Variants in ROR1 observed in about 807,000 individuals in gnomAD.
The protein encoded by ROR1 is inactive tyrosine-protein kinase transmembrane receptor ROR1.
Under a neutral mutation model 78.8 loss-of-function variants are expected in ROR1, and 19 were observed. That is an observed-to-expected ratio of 0.24 (90% CI 0.17 to 0.35). The LOEUF is 0.35. Ranked by LOEUF, ROR1 falls within the 10% of genes least tolerant of loss-of-function variation. The pLI, the probability that ROR1 is intolerant of heterozygous loss-of-function variation, is 1.00. For missense variants in ROR1, 917 were observed against 1,177.8 expected (o/e 0.78, Z 3.24); for synonymous variants, 386 against 433.6 (o/e 0.89, Z 1.36).
chr1:64,093,406 G>A (rs1315607347), intron 4 of ROR1, among the ~76,000 whole-genome samples: 2 of 152,044 alleles, frequency 1.3e-5, no homozygotes, highest in Admixed American at 1.3e-4. Flanking sequence ...ATCTCATCTG[G>A]TATTTTTCAA....
chr1:63,959,650 A>C (rs575057266), intron 1 of ROR1, among the ~76,000 whole-genome samples: 5 of 152,322 alleles, frequency 3.3e-5, no homozygotes, highest in African/African-American at 1.2e-4. Context: ...TTCAAAACTT[A>C]TCTGTTGTGT....
chr1:63,914,331 C>A (rs1557558727), intron 1 of ROR1, among the ~76,000 whole-genome samples: 5 of 152,176 alleles, frequency 3.3e-5, no homozygotes, highest in Admixed American at 3.3e-4. Flanking sequence ...GTGGCCCAGT[C>A]TAGGAAAGTG....
chr1:63,931,238 C>T (rs1044814121), intron 1 of ROR1, among the ~76,000 whole-genome samples: 1 of 152,164 alleles, frequency 6.6e-6, no homozygotes, highest in African/African-American at 2.4e-5. Flanking sequence ...GCCGAGATGG[C>T]GCTACCATAC....
intron 1 of ROR1, among the ~76,000 whole-genome samples, chr1:63,998,855 G>A (rs897484049): frequency 1.2e-4 from 18 of 152,294 alleles, no homozygotes; most frequent in Non-Finnish European, 2.9e-5. Flanking sequence ...GGACCCAGTG[G>A]GAGATAATTG....
At chr1:64,108,896 G>A (rs2100669955) in intron 4 of ROR1, among the ~76,000 whole-genome samples, 1 of 152,270 alleles carries the variant, frequency 6.6e-6, no homozygotes, top group South Asian at 2.1e-4. Flanking sequence ...TAAAAATAAT[G>A]TTTAGGACCC....
intron 1 of ROR1, among the ~76,000 whole-genome samples, chr1:63,916,073 A>G (rs760894007): frequency 3.3e-5 from 5 of 152,170 alleles, no homozygotes; most frequent in Non-Finnish European, 7.4e-5. Flanking sequence ...CATGCTATTT[A>G]TGCTACTCCC....
At chr1:63,961,527 A>T (rs1194876634) in intron 1 of ROR1, among the ~76,000 whole-genome samples, 1 of 152,232 alleles carries the variant, frequency 6.6e-6, no homozygotes, top group Non-Finnish European at 1.5e-5. Context: ...AAATCTTGTC[A>T]TTTGTGGCAA....
At chr1:63,778,661 C>T (rs1470345192) in intron 1 of ROR1, among the ~76,000 whole-genome samples, 1 of 152,206 alleles carries the variant, frequency 6.6e-6, no homozygotes. Context: ...TTATCTAATC[C>T]TTACAATGGG....
At chr1:63,865,403 A>G (rs769310111) in intron 1 of ROR1, among the ~76,000 whole-genome samples, 15 of 152,208 alleles carry the variant, frequency 9.9e-5, no homozygotes, top group East Asian at 1.9e-4. Flanking sequence ...TTTACCATCT[A>G]TCTCATCCTT....
intron 1 of ROR1, among the ~76,000 whole-genome samples, chr1:63,934,595 G>A (rs534336518): frequency 1.3e-5 from 2 of 152,228 alleles, no homozygotes; most frequent in East Asian, 1.9e-4. Flanking sequence ...TTCTTACCCC[G>A]TGACTTGGAC....
At chr1:64,135,699 A>C (rs1251114860) in intron 4 of ROR1, among the ~76,000 whole-genome samples, 1 of 152,226 alleles carries the variant, frequency 6.6e-6, no homozygotes, top group African/African-American at 2.4e-5. Context: ...GATTTATGAA[A>C]GTAAACATGT....
At chr1:64,112,648 T>A (rs1314540313) in intron 4 of ROR1, among the ~76,000 whole-genome samples, 3 of 152,154 alleles carry the variant, frequency 2.0e-5, no homozygotes, top group Non-Finnish European at 1.5e-5. Flanking sequence ...TCTTTGAGAC[T>A]CTTTTTAGTG....
At chr1:63,845,753 G>A (rs1645076554) in intron 1 of ROR1, among the ~76,000 whole-genome samples, 1 of 152,086 alleles carries the variant, frequency 6.6e-6, no homozygotes, top group Non-Finnish European at 1.5e-5. Flanking sequence ...TCCAACTTTT[G>A]GGAGTGTCTG....
chr1:63,975,771 C>T (rs1035711520), intron 1 of ROR1, among the ~76,000 whole-genome samples: 5 of 152,094 alleles, frequency 3.3e-5, no homozygotes, highest in South Asian at 2.1e-4. Flanking sequence ...ACTTCCTTGG[C>T]GGGTGACATC....
intron 1 of ROR1, among the ~76,000 whole-genome samples, chr1:63,876,665 T>TGTGTGTGTGTGTGTGC (rs1645287402): frequency 1.6e-5 from 2 of 128,718 alleles, no homozygotes; most frequent in Non-Finnish European, 1.5e-5. Context: ...TGTGTGTGTG[T>TGTGTGTGTGTGTGTGC]GTGTGTGTGT....
At chr1:63,955,624 T>G (rs1336259402) in intron 1 of ROR1, among the ~76,000 whole-genome samples, 1 of 152,178 alleles carries the variant, frequency 6.6e-6, no homozygotes, top group African/African-American at 2.4e-5. Context: ...TTCTTATTCT[T>G]CTTCTTTTGA....
At chr1:64,000,161 C>T (rs572081452) in intron 1 of ROR1, among the ~76,000 whole-genome samples, 13 of 151,942 alleles carry the variant, frequency 8.6e-5, no homozygotes, top group Non-Finnish European at 1.6e-4. Flanking sequence ...TGCCTGGAGG[C>T]ACTTTTTGGG....
At chr1:63,996,986 A>G (rs143945270) in intron 1 of ROR1, among the ~76,000 whole-genome samples, 4 of 152,278 alleles carry the variant, frequency 2.6e-5, no homozygotes, top group African/African-American at 9.6e-5. Context: ...GTCATGAGCT[A>G]ATGTCTGTTC....
At chr1:63,846,398 T>A (rs1416608309) in intron 1 of ROR1, among the ~76,000 whole-genome samples, 2 of 152,182 alleles carry the variant, frequency 1.3e-5, no homozygotes, top group Non-Finnish European at 2.9e-5. Flanking sequence ...CTGTTTTCGA[T>A]AACCTCAGCC....
Sources: allele counts gnomAD v4.1 joint callset (sites outside exome capture counted in the v4.1 genomes callset), GRCh38; gene constraint gnomAD v4.1.1; transcripts MANE v1.5; gene names NCBI Gene and HGNC (gene_info 2026-07-23, HGNC 2026-07-21).